PI4KA: variants seen among roughly 807,000 people sequenced by gnomAD.
PI4KA encodes the protein PI4-kinase alpha.
PI4KA carries 122 observed loss-of-function variants against 271.4 expected under a neutral mutation model. The ratio of observed to expected loss-of-function variants is 0.45; its 90% CI spans 0.39 to 0.52. The LOEUF is 0.52. Among genes scored for constraint, PI4KA ranks in the 20% least tolerant of loss-of-function variants. The pLI, the probability that PI4KA is intolerant of heterozygous loss-of-function variation, is 0.00. For synonymous variants in PI4KA, 1,041 were observed against 1,078.8 expected (o/e 0.96, Z 0.69); for missense variants, 1,969 against 2,769.1 (o/e 0.71, Z 6.48).
chr22:20,725,966 C>T (rs1235377639), intron 42 of PI4KA, among the ~76,000 whole-genome samples: 2 of 150,926 alleles, frequency 1.3e-5, no homozygotes, highest in East Asian at 1.9e-4. Flanking sequence ...CAACCCTGTT[C>T]GAACAATGAC....
At chr22:20,779,968 G>A (rs370070241) in intron 19 of PI4KA, 13 of 1,613,998 alleles carry the variant, frequency 8.1e-6, no homozygotes, top group Middle Eastern at 1.6e-4. Context: ...TACACACTGC[G>A]GTCAGTCAAT....
chr22:20,745,190 A>G (rs2072514), intron 29 of PI4KA, among the ~76,000 whole-genome samples: 62,314 of 152,062 alleles, frequency 0.41, 13,223 homozygotes, highest in African/African-American at 0.49. Flanking sequence ...TACACCTTGA[A>G]TACAAAGGCA....
chr22:20,790,090 A>C (rs2147537993), intron 19 of PI4KA, among the ~76,000 whole-genome samples: 1 of 152,352 alleles, frequency 6.6e-6, no homozygotes, highest in Middle Eastern at 3.4e-3. Context: ...CAACTGAAGT[A>C]ATTTAATCAA....
chr22:20,799,245 G>T lies in PI4KA; in HGVS notation c.1852C>A (p.Arg618=). 6.5e-7 allele frequency: 1 copy of T among 1,537,596 alleles called. No individual in the cohort carries two copies. Among genetic ancestry groups the T allele is most frequent in the Non-Finnish European group, 8.7e-7 (1 of 1,144,042 alleles). ...GCCACCGCAATGTGTCCCAAGGCTC[G>T]GATTGTGTGGTCGGGAATCAAGTGA... ...DAHLIPDHTI[R]ALGHIAVALR... is the part of the protein sequence containing the mutation. The change falls in exon 16 of 55, where the codon CGA becomes AGA. Residue 618 remains arginine (R), a synonymous_variant. Transcript: ENST00000255882.
In PI4KA at chr22:20,844,506, CA is replaced by C. The variant is rs1157069306; in HGVS notation, c.157-5776del. ...TACAGTCACTCCCTCATGAGCGTTA[CA>C]ATCCAGCAGGAGTTACAAAACTAAT... On this transcript the variant is annotated intron_variant, in intron 1 of 54. Transcript: ENST00000255882. Among the ~76,000 whole-genome samples, 2 of 152,174 alleles carry C rather than the reference CA, an allele frequency of 1.3e-5. 1 individual carries two copies. The highest frequency in any genetic ancestry group is 4.8e-5 in the African/African-American group (2 of 41,448).
chr22:20,788,210 G>A (rs545954650), intron 19 of PI4KA, among the ~76,000 whole-genome samples: 4 of 152,292 alleles, frequency 2.6e-5, no homozygotes, highest in Admixed American at 2.6e-4. Context: ...AGGAAGACAA[G>A]GGTTGGAAGA....
At chr22:20,740,252 C>T (rs1280898987) in intron 32 of PI4KA, among the ~76,000 whole-genome samples, 1 of 150,360 alleles carries the variant, frequency 6.7e-6, no homozygotes, top group Non-Finnish European at 1.5e-5. Context: ...GAACAGTGAA[C>T]TGGTATACAG....
chr22:20,741,526 T>A (rs1929456341), intron 32 of PI4KA, among the ~76,000 whole-genome samples: 1 of 152,144 alleles, frequency 6.6e-6, no homozygotes, highest in South Asian at 2.1e-4. Context: ...GTGTGATTGA[T>A]ACAAACCCCA....
In PI4KA at chr22:20,729,425, T is replaced by A; in HGVS notation, c.4570A>T (p.Ser1524Cys). 6.2e-7 allele frequency: 1 copy of A among 1,613,514 alleles called. No individual in the cohort carries two copies. The highest frequency in any genetic ancestry group is 1.3e-5 in the African/African-American group (1 of 75,050). ...TACTTAGATCTCCAGTTGGCCACGC[T>A]GTTCTCTCCGGCCTGGTCTAGTTCC... ...ELELDQAGEN[S>C]VANWRSKYIS... is the part of the protein sequence containing the mutation. The change falls in exon 39 of 55, where the codon AGC becomes TGC. Residue 1524 changes from serine (S) to cysteine (C), a missense_variant. Transcript: ENST00000255882.
chr22:20,834,462 A>C, intron 3 of PI4KA, 100 bp downstream of exon 3: 5 of 757,708 alleles, frequency 6.6e-6, no homozygotes, highest in Non-Finnish European at 7.1e-6. Context: ...GAGGGAGACA[A>C]GATGCATCTG....
At chr22:20,785,075 T>TC in intron 19 of PI4KA, among the ~76,000 whole-genome samples, 1 of 151,402 alleles carries the variant, frequency 6.6e-6, no homozygotes, top group East Asian at 1.9e-4. Flanking sequence ...ATCTTTTTTT[T>TC]TTTTTTTTTT....
At chr22:20,787,025 C>T in intron 19 of PI4KA, 1 of 1,614,200 alleles carries the variant, frequency 6.2e-7, no homozygotes, top group Non-Finnish European at 8.5e-7. Context: ...CACCAGCTGC[C>T]TGCTCTTCAT....
chr22:20,728,952 G>A (rs1279794313), intron 39 of PI4KA, among the ~76,000 whole-genome samples: 5 of 152,130 alleles, frequency 3.3e-5, no homozygotes, highest in Admixed American at 2.0e-4. Flanking sequence ...TGACATCCAG[G>A]AACAAACCCA....
chr22:20,847,609 T>C (rs2147807663), intron 1 of PI4KA, among the ~76,000 whole-genome samples: 1 of 152,232 alleles, frequency 6.6e-6, no homozygotes, highest in Non-Finnish European at 1.5e-5. Context: ...AGCCAGGCCA[T>C]GGTGGCTTGT....
At chr22:20,781,608 G>C (rs1190673409) in intron 19 of PI4KA, among the ~76,000 whole-genome samples, 3 of 152,216 alleles carry the variant, frequency 2.0e-5, no homozygotes, top group Non-Finnish European at 4.4e-5. Context: ...AGGCCAAGCA[G>C]GGTCACTCTG....
intron 17 of PI4KA, 28 bp downstream of exon 17, chr22:20,798,556 T>TA: frequency 3.1e-6 from 4 of 1,299,310 alleles, no homozygotes; most frequent in Non-Finnish European, 4.5e-6. Context: ...ACTGTCATGA[T>TA]AAAAAAGTGA....
At chr22:20,846,263 CAAAAAAAAAA>C (rs361641) in intron 1 of PI4KA, among the ~76,000 whole-genome samples, 2 of 82,098 alleles carry the variant, frequency 2.4e-5, no homozygotes, top group African/African-American at 9.4e-5. Context: ...GACTCTATCT[CAAAAAAAAAA>C]AAAAAAAAAA....
intron 19 of PI4KA, among the ~76,000 whole-genome samples, chr22:20,769,574 C>T (rs1203458081): frequency 6.6e-6 from 1 of 151,350 alleles, no homozygotes; most frequent in Non-Finnish European, 1.5e-5. Flanking sequence ...GAGGCTGAAG[C>T]AGGAGAATCG....
At chr22:20,722,032 T>C (rs1319370089) in intron 42 of PI4KA, 2 of 152,696 alleles carry the variant, frequency 1.3e-5, no homozygotes, top group East Asian at 3.8e-4. Flanking sequence ...CAGTTCCTCC[T>C]ACACACACAC....
Sources: gnomAD v4.1 joint callset for allele counts (sites outside exome capture counted in the v4.1 genomes callset) on GRCh38, gnomAD v4.1.1 for gene constraint, MANE v1.5 for transcripts, NCBI Gene and HGNC (gene_info 2026-07-23, HGNC 2026-07-21) for gene names.